The following CCSER2 variants were observed in gnomAD, a reference collection of about 807,000 sequenced individuals.
CCSER2 encodes coiled-coil serine rich protein 2, also known as serine-rich coiled-coil domain-containing protein 2.
A neutral mutation model predicts 92.3 loss-of-function variants in CCSER2; 46 were observed. The ratio of observed to expected loss-of-function variants is 0.50; its 90% CI spans 0.39 to 0.64. CCSER2 has a LOEUF of 0.64. CCSER2 is among the 30% of genes least tolerant of loss of function. The pLI is 0.00. For synonymous variants in CCSER2, 433 were observed against 431.4 expected, an observed-to-expected ratio of 1.00 and a Z score of -0.04; for missense variants, 1,244 against 1,238.9, an observed-to-expected ratio of 1.00 and a Z score of -0.06.
intron 7 of CCSER2, among the ~76,000 whole-genome samples, chr10:84,469,303 A>C (rs1418838814): frequency 6.6e-6 from 1 of 152,006 alleles, no homozygotes; most frequent in Non-Finnish European, 1.5e-5. Context: ...GTCTTTATGA[A>C]TTTTTATAAT....
chr10:84,484,891 C>T (rs551080273), intron 9 of CCSER2, among the ~76,000 whole-genome samples: 6 of 151,700 alleles, frequency 4.0e-5, no homozygotes, highest in South Asian at 4.2e-4. Context: ...AACCAATAAC[C>T]GAAAAAACAT....
chr10:84,432,344 G>A (rs1393194599), intron 5 of CCSER2, among the ~76,000 whole-genome samples: 1 of 152,172 alleles, frequency 6.6e-6, no homozygotes, highest in Non-Finnish European at 1.5e-5. Context: ...TTGGGATACA[G>A]ATGATCCCAT....
At chr10:84,455,283 CTT>C (rs71013326) in intron 6 of CCSER2, 14 of 99,174 alleles carry the variant, frequency 1.4e-4, no homozygotes, top group Non-Finnish European at 1.7e-4. Flanking sequence ...TTTTCTTTTT[CTT>C]TTTTTTTTTT....
At position 84,518,396 on chromosome 10, in the gene CCSER2, T is replaced by G. The variant is rs901995013; in HGVS notation, c.*4129T>G. ...TATTGTTTTTCCCATTGATTTTAAG[T>G]CAGTTTAGAGTACAAACTGTATATT... On this transcript the variant is annotated 3_prime_UTR_variant, in exon 10 of 10. Transcript: ENST00000372088. 1 of 152,650 alleles carries G rather than the reference T, an allele frequency of 6.6e-6. No individual in the cohort carries two copies. Among genetic ancestry groups the G allele is most frequent in the African/African-American group, 2.4e-5 (1 of 41,456 alleles). The allele number at this position is 152,650 out of a possible 1,614,324, so 9.5% of individuals were successfully genotyped here. A position where few individuals can be genotyped will look rare whatever the true frequency, so the allele number is the denominator to read the frequency against.
At chr10:84,444,792 T>C (rs1388523689) in intron 6 of CCSER2, among the ~76,000 whole-genome samples, 5 of 152,208 alleles carry the variant, frequency 3.3e-5, no homozygotes, top group African/African-American at 4.8e-5. Flanking sequence ...TAAACCATTA[T>C]ATTTGGCCTT....
chr10:84,513,989 T>G lies in CCSER2; in HGVS notation c.2866T>G (p.Cys956Gly). The change falls in exon 10 of 10, where the codon TGT (cysteine) becomes GGT (glycine). Residue 956 changes from cysteine (C) to glycine (G), a missense_variant. Physicochemically the swap from Cys to Gly is radical, Grantham distance 159. Transcript: ENST00000372088. ...TCKKSPIITT[C>G]NSAKLQPTSS... The stretch of plus-strand genomic sequence containing the variant: ...TAAAAAGTCACCAATAATCACAACA[T>G]GTAATTCAGCAAAACTTCAGCCAAC... The G allele has an allele frequency of 6.5e-7, 1 of 1,536,672 alleles. No individual in the cohort carries two copies. The highest frequency in any genetic ancestry group is 8.7e-7 in the Non-Finnish European group (1 of 1,147,044).
chr10:84,429,984 T>C (rs1843674735), intron 5 of CCSER2, among the ~76,000 whole-genome samples: 1 of 152,144 alleles, frequency 6.6e-6, no homozygotes, highest in Non-Finnish European at 1.5e-5. Flanking sequence ...AGACAGATTC[T>C]GTAAAAAGTC....
At chr10:84,384,263 T>C (rs947680871) in intron 3 of CCSER2, among the ~76,000 whole-genome samples, 3 of 152,170 alleles carry the variant, frequency 2.0e-5, no homozygotes, top group Non-Finnish European at 4.4e-5. Flanking sequence ...GAATTCCTTC[T>C]TAACTCATTG....
chr10:84,487,401 G>C (rs1847873637), intron 9 of CCSER2, among the ~76,000 whole-genome samples: 1 of 152,140 alleles, frequency 6.6e-6, no homozygotes, highest in Non-Finnish European at 1.5e-5. Flanking sequence ...CCATTTGTTA[G>C]TGTCCTCTTT....
chr10:84,431,563 G>A (rs1200252014), intron 5 of CCSER2, among the ~76,000 whole-genome samples: 4 of 152,032 alleles, frequency 2.6e-5, no homozygotes, highest in Non-Finnish European at 4.4e-5. Context: ...CACATATTGA[G>A]TCCTCGTTTT....
intron 8 of CCSER2, 132 bp downstream of exon 8, chr10:84,470,590 AT>A: frequency 3.3e-6 from 2 of 614,400 alleles, no homozygotes; most frequent in Non-Finnish European, 2.4e-6. Flanking sequence ...TTATTTTTAG[AT>A]TATATGCACT....
rs1225616222 is a variant in CCSER2, at chr10:84,328,678, G to T, written c.-170G>T. The T allele has an allele frequency of 6.6e-6, 1 of 151,466 alleles. No individual in the cohort carries two copies. Among genetic ancestry groups the T allele is most frequent in the Admixed American group, 6.6e-5 (1 of 15,200 alleles). 9.4% of individuals were successfully genotyped at this position (151,466 alleles called of 1,614,324 possible). On this transcript the variant is annotated 5_prime_UTR_variant, in exon 1 of 10. Transcript: ENST00000372088. Reference sequence around the variant, plus strand: ...GGCCGCGGACGCGATGCTGGTTGCTGCGGCTCGGGCGGCGGGGCTGGCGGG... The same window carrying T: ...GGCCGCGGACGCGATGCTGGTTGCTTCGGCTCGGGCGGCGGGGCTGGCGGG...
chr10:84,485,544 C>T (rs1047512522), intron 9 of CCSER2, among the ~76,000 whole-genome samples: 1 of 152,134 alleles, frequency 6.6e-6, no homozygotes, highest in Non-Finnish European at 1.5e-5. Context: ...TAGTTGTGTG[C>T]ATCAGTAGTT....
chr10:84,421,374 C>T (rs1402777227), intron 4 of CCSER2, among the ~76,000 whole-genome samples: 1 of 152,138 alleles, frequency 6.6e-6, no homozygotes, highest in African/African-American at 2.4e-5. Context: ...ACTTACAGTT[C>T]TGCATGGTTG....
At chr10:84,331,359 G>C (rs562466900) in intron 1 of CCSER2, among the ~76,000 whole-genome samples, 63 of 152,234 alleles carry the variant, frequency 4.1e-4, no homozygotes, top group African/African-American at 1.3e-3. Context: ...TGAGAAACAT[G>C]ATAATTCATT....
intron 9 of CCSER2, among the ~76,000 whole-genome samples, chr10:84,481,318 T>C (rs1378973321): frequency 6.6e-6 from 1 of 152,126 alleles, no homozygotes; most frequent in South Asian, 2.1e-4. Context: ...AAAACCATTT[T>C]ATCATGCTAT....
intron 6 of CCSER2, among the ~76,000 whole-genome samples, chr10:84,448,828 G>T (rs1421175432): frequency 6.6e-6 from 1 of 152,112 alleles, no homozygotes; most frequent in East Asian, 1.9e-4. Flanking sequence ...GGAACCATTT[G>T]TTGTGTACTC....
rs184505175 is a variant in CCSER2, at chr10:84,411,636, A to G, written c.1615-6135A>G. Among the ~76,000 whole-genome samples the G allele has an allele frequency of 8.4e-4, 128 of 152,252 alleles. 1 individual carries two copies. The highest frequency in any genetic ancestry group is 6.5e-3 in the Admixed American group (100 of 15,298). On this transcript the variant is annotated intron_variant, in intron 3 of 9. Coordinates refer to ENST00000372088, the MANE Select transcript of CCSER2 (RefSeq NM_001284240.2). ...CCGGTTGTTGGTGTTTAGGGATGCT[A>G]TCCATTTTTGCACACTGATTTTGTA...
chr10:84,444,184 A>G (rs1017801987), intron 6 of CCSER2, among the ~76,000 whole-genome samples: 5 of 152,190 alleles, frequency 3.3e-5, no homozygotes, highest in African/African-American at 9.7e-5. Flanking sequence ...GAGGCAGAAG[A>G]CATAGATAGA....
Sources: gnomAD v4.1 joint callset for allele counts (sites outside exome capture counted in the v4.1 genomes callset) on GRCh38, gnomAD v4.1.1 for gene constraint, MANE v1.5 for transcripts, NCBI Gene and HGNC (gene_info 2026-07-23, HGNC 2026-07-21) for gene names.